Variants in MGAT4C observed in about 807,000 individuals in gnomAD.
MGAT4C encodes the protein MGAT4 family member C.
Under a neutral mutation model 40.1 loss-of-function variants are expected in MGAT4C, and 19 were observed. That is an observed-to-expected ratio of 0.47 (90% CI 0.33 to 0.70). The LOEUF (loss-of-function observed/expected upper bound fraction) is 0.70, where lower values mean the gene tolerates loss of function less well. Ranked by LOEUF, MGAT4C falls within the 30% of genes least tolerant of loss-of-function variation. The pLI is 0.02. For missense variants in MGAT4C, 491 were observed against 563.2 expected, an observed-to-expected ratio of 0.87 and a Z score of 1.30; for synonymous variants, 181 against 187.1, an observed-to-expected ratio of 0.97 and a Z score of 0.27.
intron 1 of MGAT4C, among the ~76,000 whole-genome samples, chr12:86,791,955 C>T (rs376158738): frequency 2.6e-5 from 4 of 152,136 alleles, no homozygotes; most frequent in Admixed American, 6.5e-5. Flanking sequence ...AGAGGGGAGA[C>T]GGGGCAAAAT....
intron 2 of MGAT4C, among the ~76,000 whole-genome samples, chr12:86,603,769 ATT>A (rs1961930552): frequency 2.1e-5 from 2 of 95,974 alleles, no homozygotes; most frequent in Non-Finnish European, 4.0e-5. Context: ...ATATAGTATA[ATT>A]ATATATACTA....
At chr12:86,784,195 T>A (rs4583046) in intron 1 of MGAT4C, among the ~76,000 whole-genome samples, 1 of 151,878 alleles carries the variant, frequency 6.6e-6, no homozygotes, top group African/African-American at 2.4e-5. Context: ...TTGTTGCAAC[T>A]ATTCTTCCAC....
Position 86,502,788 on chromosome 12 carries a change from AT to A in MGAT4C, c.-228-67524del, listed in dbSNP as rs1246300708. Among the ~76,000 whole-genome samples, 3 of 126,130 alleles carry A rather than the reference AT, an allele frequency of 2.4e-5. No homozygotes were observed. The East Asian group carries it at 6.8e-4, about 29-fold the overall frequency. 82.7% of individuals were successfully genotyped at this position (126,130 alleles called of 152,430 possible). A position where few individuals can be genotyped will look rare whatever the true frequency, so the allele number is the denominator to read the frequency against. On this transcript the variant is annotated intron_variant, in intron 2 of 7. Transcript: ENST00000548651. ...ATATATGTATACACGAGTTCTGCTC[AT>A]ATATATGTATACACGAGTTCTGCTC...
intron 1 of MGAT4C, among the ~76,000 whole-genome samples, chr12:86,087,369 T>C (rs1292477552): frequency 6.6e-6 from 1 of 152,152 alleles, no homozygotes; most frequent in Non-Finnish European, 1.5e-5. Flanking sequence ...GATTTCTTTA[T>C]CATATGTTCA....
rs189440183 is a variant in MGAT4C at position 86,034,892 on chromosome 12, C to T, written c.-7+14782G>A. 6.1e-4 allele frequency among the ~76,000 whole-genome samples: 92 copies of T among 149,958 alleles called. 2 individuals carry two copies. The highest frequency in any genetic ancestry group is 2.1e-3 in the African/African-American group (87 of 41,332). ...ATGGTTTCCAGCTTCATCCATGTAC[C>T]TGCAAAGAACATGAACTCATCCTTT... On this transcript the variant is annotated intron_variant, in intron 2 of 4. Coordinates refer to ENST00000611864, the MANE Select transcript of MGAT4C (RefSeq NM_001351288.2).
At chr12:86,249,361 T>C (rs1002881537) in intron 1 of MGAT4C, among the ~76,000 whole-genome samples, 1 of 152,196 alleles carries the variant, frequency 6.6e-6, no homozygotes, top group African/African-American at 2.4e-5. Context: ...ACTTAATAGA[T>C]TGATATACCT....
chr12:86,413,705 G>A (rs1956650586), intron 3 of MGAT4C, among the ~76,000 whole-genome samples: 1 of 152,224 alleles, frequency 6.6e-6, no homozygotes, highest in South Asian at 2.1e-4. Flanking sequence ...TAGAATGGTA[G>A]TGTTACACTA....
intron 1 of MGAT4C, among the ~76,000 whole-genome samples, chr12:86,225,622 G>C (rs1770411509): frequency 6.6e-6 from 1 of 152,082 alleles, no homozygotes; most frequent in African/African-American, 2.4e-5. Flanking sequence ...ATATTTCACA[G>C]ATACAAGGGT....
intron 2 of MGAT4C, among the ~76,000 whole-genome samples, chr12:86,535,914 G>A (rs1208035230): frequency 1.3e-5 from 2 of 151,998 alleles, no homozygotes. Context: ...AATTATTGTA[G>A]ATATTTTCAT....
chr12:86,566,123 A>G (rs1445770781), intron 2 of MGAT4C, among the ~76,000 whole-genome samples: 2 of 151,998 alleles, frequency 1.3e-5, no homozygotes, highest in African/African-American at 4.8e-5. Flanking sequence ...GTTACTTCGG[A>G]TTTGGGTTTG....
intron 2 of MGAT4C, among the ~76,000 whole-genome samples, chr12:86,626,251 A>G (rs138378957): frequency 1.3e-5 from 2 of 152,348 alleles, no homozygotes; most frequent in Non-Finnish European, 2.9e-5. Flanking sequence ...GGAGTCATAC[A>G]CAAAAGAGAT....
In MGAT4C at chr12:86,039,507, G is replaced by C. The variant is rs187920238; in HGVS notation, c.-7+10167C>G. On this transcript the variant is annotated intron_variant, in intron 2 of 4. Coordinates refer to ENST00000611864, the MANE Select transcript of MGAT4C (RefSeq NM_001351288.2). ...CTGATATCCTTTCTTCCACTTGATG[G>C]ATTCGGCTATTGATACTTTTGTATG... Among the ~76,000 whole-genome samples, 3 of 152,124 alleles carry C rather than the reference G, an allele frequency of 2.0e-5. No individual in the cohort carries two copies. In the East Asian group the frequency reaches 5.8e-4, roughly 29 times the overall value.
chr12:86,105,792 C>T (rs759163002), intron 1 of MGAT4C, among the ~76,000 whole-genome samples: 4 of 151,966 alleles, frequency 2.6e-5, no homozygotes, highest in Non-Finnish European at 5.9e-5. Flanking sequence ...TAATGGTTGG[C>T]AAAGAAAGTA....
At chr12:86,395,065 T>TA (rs554461144) in intron 3 of MGAT4C, among the ~76,000 whole-genome samples, 9 of 151,718 alleles carry the variant, frequency 5.9e-5, no homozygotes, top group South Asian at 2.1e-4. Context: ...AAAAAAAGCA[T>TA]AAAAAAAATG....
chr12:86,238,012 T>C (rs571431608), intron 1 of MGAT4C, among the ~76,000 whole-genome samples: 8 of 152,030 alleles, frequency 5.3e-5, no homozygotes, highest in Non-Finnish European at 1.2e-4. Flanking sequence ...TTAGTTATCA[T>C]TTACTGTGAA....
intron 1 of MGAT4C, among the ~76,000 whole-genome samples, chr12:86,118,111 A>G (rs1410157624): frequency 6.6e-6 from 1 of 152,240 alleles, no homozygotes; most frequent in Non-Finnish European, 1.5e-5. Flanking sequence ...AATTATTACC[A>G]GGATACATGA....
intron 2 of MGAT4C, among the ~76,000 whole-genome samples, chr12:86,010,256 A>G (rs1888324534): frequency 6.6e-6 from 1 of 152,214 alleles, no homozygotes; most frequent in Non-Finnish European, 1.5e-5. Flanking sequence ...AAACAGGACT[A>G]ATGAAATAAA....
At position 86,406,848 on chromosome 12, in the gene MGAT4C, G is replaced by A. The variant is rs371201312; in HGVS notation, c.-120+28309C>T. Among the ~76,000 whole-genome samples, 87 of 152,152 alleles carry A rather than the reference G, an allele frequency of 5.7e-4. 1 individual carries two copies. Among genetic ancestry groups the A allele is most frequent in the African/African-American group, 1.9e-3 (78 of 41,540 alleles). On this transcript the variant is annotated intron_variant, in intron 3 of 7. Transcript: ENST00000548651. ...CCAAATGTGTGAGGATATTTTACAC[G>A]TCAAGTAATTCTCCAGCAGACCCCA...
chr12:86,287,967 C>G (rs577570934), intron 4 of MGAT4C, among the ~76,000 whole-genome samples: 2 of 152,328 alleles, frequency 1.3e-5, no homozygotes, highest in South Asian at 2.1e-4. Context: ...CTCCCACCAA[C>G]AGTGTAAAAG....
Sources: gnomAD v4.1 joint callset for allele counts (sites outside exome capture counted in the v4.1 genomes callset) on GRCh38, gnomAD v4.1.1 for gene constraint, MANE v1.5 for transcripts, NCBI Gene and HGNC (gene_info 2026-07-23, HGNC 2026-07-21) for gene names.